Variants in RIPOR2 observed in about 807,000 individuals in gnomAD.
RIPOR2 encodes RHO family interacting cell polarization regulator 2, also known as rho family-interacting cell polarization regulator 2.
Under a neutral mutation model 114.5 loss-of-function variants are expected in RIPOR2, and 39 were observed. That is an observed-to-expected ratio of 0.34 (90% CI 0.26 to 0.44). The LOEUF (loss-of-function observed/expected upper bound fraction) is 0.44. Ranked by LOEUF, RIPOR2 falls within the 20% of genes least tolerant of loss-of-function variation. The probability of loss-of-function intolerance (pLI) is 1.00; values close to 1 mark genes in which losing one functional copy is unlikely to be tolerated. For synonymous variants in RIPOR2, 445 were observed against 484.4 expected (o/e 0.92, Z 1.07); for missense variants, 1,007 against 1,255.1 (o/e 0.80, Z 2.99).
chr6:25,035,229 G>A (rs1777181925), intron 1 of RIPOR2, among the ~76,000 whole-genome samples: 1 of 152,170 alleles, frequency 6.6e-6, no homozygotes, highest in Non-Finnish European at 1.5e-5. Flanking sequence ...CAGGTGTCTA[G>A]ACTGAAACCC....
At chr6:24,975,219 TACTA>T (rs1269549644) in intron 1 of RIPOR2, among the ~76,000 whole-genome samples, 4 of 152,216 alleles carry the variant, frequency 2.6e-5, no homozygotes, top group African/African-American at 2.4e-5. Flanking sequence ...TTCACCAAAC[TACTA>T]ACTTTTAATT....
chr6:24,841,808 G>A (rs1051236047), intron 13 of RIPOR2, among the ~76,000 whole-genome samples: 9 of 151,354 alleles, frequency 5.9e-5, no homozygotes, highest in Non-Finnish European at 1.3e-4. Flanking sequence ...TGTAGAGATG[G>A]GATTTCATCA....
chr6:25,022,417 G>T (rs1043460682), intron 1 of RIPOR2, among the ~76,000 whole-genome samples: 1 of 150,746 alleles, frequency 6.6e-6, no homozygotes, highest in Non-Finnish European at 1.5e-5. Context: ...CATTTTTATT[G>T]CTGAGTCATA....
chr6:24,812,017 T>A (rs1781217168), intron 20 of RIPOR2, among the ~76,000 whole-genome samples: 1 of 7,200 alleles, frequency 1.4e-4, no homozygotes, highest in Admixed American at 2.2e-3. Context: ...ACTCATCATT[T>A]TTTATGGCTG....
chr6:24,915,765 T>C (rs893207665), intron 1 of RIPOR2, among the ~76,000 whole-genome samples: 2 of 152,150 alleles, frequency 1.3e-5, no homozygotes, highest in Non-Finnish European at 2.9e-5. Context: ...CCTTACACAG[T>C]GTCGTTTTAA....
chr6:24,869,785 T>C (rs1433807591), intron 5 of RIPOR2, among the ~76,000 whole-genome samples: 1 of 152,208 alleles, frequency 6.6e-6, no homozygotes, highest in Non-Finnish European at 1.5e-5. Context: ...CATAATAATA[T>C]ATTTTGTCTT....
At chr6:24,965,944 A>G (rs183054309) in intron 1 of RIPOR2, among the ~76,000 whole-genome samples, 11 of 152,056 alleles carry the variant, frequency 7.2e-5, no homozygotes, top group Admixed American at 7.2e-4. Context: ...TTCAAACTCT[A>G]ATTTGGAGGA....
intron 8 of RIPOR2, among the ~76,000 whole-genome samples, chr6:24,859,314 G>A (rs1040917154): frequency 5.9e-5 from 9 of 152,194 alleles, no homozygotes; most frequent in African/African-American, 2.2e-4. Flanking sequence ...GAGACTCTGC[G>A]ACTGTGCTAG....
intron 15 of RIPOR2, among the ~76,000 whole-genome samples, chr6:24,833,726 G>A (rs1760869730): frequency 6.6e-6 from 1 of 152,132 alleles, no homozygotes; most frequent in African/African-American, 2.4e-5. Context: ...CAGAAGGTAA[G>A]TTTCTAAATC....
In RIPOR2 at chr6:24,830,566, G is replaced by A. The variant is rs897154789; in HGVS notation, c.2449C>T (p.Leu817=). 23 of 1,551,302 alleles carry A rather than the reference G, an allele frequency of 1.5e-5. No homozygotes were observed. The Admixed American group carries it at 4.5e-4, about 30-fold the overall frequency. Reference sequence around the variant, plus strand: ...ACAGTTCTGGCAAAGCTGGCCTCCAGCTGCTTCATCACTCTGTCCGCTGGG... The same window carrying A: ...ACAGTTCTGGCAAAGCTGGCCTCCAACTGCTTCATCACTCTGTCCGCTGGG... ...HSPADRVMKQ[L]EASFARTVNK... is the part of the protein sequence containing the mutation. Residue 817 remains leucine (L), a synonymous_variant, in exon 17 of 22, where the codon CTG becomes TTG. Transcript: ENST00000643898.
chr6:24,954,730 G>C (rs925266122), intron 1 of RIPOR2, among the ~76,000 whole-genome samples: 1 of 152,014 alleles, frequency 6.6e-6, no homozygotes, highest in Non-Finnish European at 1.5e-5. Context: ...TGACAGGTGT[G>C]AACCACTGCA....
intron 1 of RIPOR2, among the ~76,000 whole-genome samples, chr6:24,914,724 C>G (rs1769934529): frequency 6.6e-6 from 1 of 152,202 alleles, no homozygotes; most frequent in Non-Finnish European, 1.5e-5. Flanking sequence ...ATGGTTCTTA[C>G]TGCCATCGAT....
At chr6:24,873,608 T>C (rs1490347907) in intron 3 of RIPOR2, 36 bp downstream of exon 3, 10 of 1,590,314 alleles carry the variant, frequency 6.3e-6, no homozygotes, top group Non-Finnish European at 8.5e-6. Context: ...CCCTTGGGTC[T>C]TTCCTTAAAG....
chr6:24,977,488 C>A (rs1291400087), intron 1 of RIPOR2, among the ~76,000 whole-genome samples: 2 of 152,126 alleles, frequency 1.3e-5, no homozygotes, highest in Admixed American at 1.3e-4. Flanking sequence ...CCTATTCTAT[C>A]AGATACATAA....
intron 1 of RIPOR2, among the ~76,000 whole-genome samples, chr6:24,960,171 G>T (rs1301758451): frequency 6.6e-6 from 1 of 152,178 alleles, no homozygotes; most frequent in African/African-American, 2.4e-5. Flanking sequence ...GAGGATGCAT[G>T]TTGTTGTCTG....
intron 17 of RIPOR2, among the ~76,000 whole-genome samples, chr6:24,829,683 A>G (rs1760497457): frequency 6.6e-6 from 1 of 152,214 alleles, no homozygotes; most frequent in East Asian, 1.9e-4. Context: ...ATTACAATTT[A>G]TCCATTCTCT....
At chr6:24,869,236 A>G (rs1333164624) in intron 5 of RIPOR2, 89 bp from the exon 6 acceptor site, 3 of 617,140 alleles carry the variant, frequency 4.9e-6, no homozygotes, top group Non-Finnish European at 5.8e-6. Flanking sequence ...ATCATACTCA[A>G]AAGTATTAGA....
At chr6:24,967,468 A>G (rs748847773) in intron 1 of RIPOR2, among the ~76,000 whole-genome samples, 1 of 152,168 alleles carries the variant, frequency 6.6e-6, no homozygotes, top group Non-Finnish European at 1.5e-5. Context: ...CATTTCGTTG[A>G]TGAGGAAATT....
chr6:24,804,520 C>T lies in RIPOR2; in HGVS notation c.*1853G>A, dbSNP rs147890846. 9.2e-5 allele frequency: 14 copies of T among 152,194 alleles called. No individual in the cohort carries two copies. In the East Asian group the frequency reaches 2.7e-3, roughly 29 times the overall value. The allele number at this position is 152,194 out of a possible 1,614,324, so 9.4% of individuals were successfully genotyped here. The stretch of plus-strand genomic sequence containing the variant: ...TTTCTATAAAAAGAACCATTTCAAC[C>T]ATTTAACATAAGCTATAGGCTATAC... On this transcript the variant is annotated 3_prime_UTR_variant, in exon 22 of 22. Coordinates refer to ENST00000643898, the MANE Select transcript of RIPOR2 (RefSeq NM_001286445.3).
Sources: gnomAD v4.1 joint callset for allele counts (sites outside exome capture counted in the v4.1 genomes callset) on GRCh38, gnomAD v4.1.1 for gene constraint, MANE v1.5 for transcripts, NCBI Gene and HGNC (gene_info 2026-07-23, HGNC 2026-07-21) for gene names.